Variants in TIAM1 observed in about 807,000 individuals in gnomAD.
The protein encoded by TIAM1 is TIAM Rac1 associated GEF 1.
Under a neutral mutation model 163.5 loss-of-function variants are expected in TIAM1, and 65 were observed. The observed-to-expected ratio is 0.40, with a 90% CI of 0.33 to 0.49. TIAM1 has a LOEUF of 0.49. Among genes scored for constraint, TIAM1 ranks in the 20% least tolerant of loss-of-function variants. The probability of loss-of-function intolerance (pLI) is 0.77; values close to 1 mark genes in which losing one functional copy is unlikely to be tolerated. For missense variants in TIAM1, 1,789 were observed against 2,044.7 expected, an observed-to-expected ratio of 0.87 and a Z score of 2.41; for synonymous variants, 833 against 810.1, an observed-to-expected ratio of 1.03 and a Z score of -0.48.
At chr21:31,182,848 A>G (rs1447928935) in intron 14 of TIAM1, among the ~76,000 whole-genome samples, 1 of 152,216 alleles carries the variant, frequency 6.6e-6, no homozygotes, top group African/African-American at 2.4e-5. Flanking sequence ...AGGTTACAAC[A>G]TGCCTAGCTG....
intron 1 of TIAM1, among the ~76,000 whole-genome samples, chr21:31,513,447 A>G (rs1404831198): frequency 1.3e-5 from 2 of 152,124 alleles, no homozygotes; most frequent in African/African-American, 2.4e-5. Flanking sequence ...TTGAGTTTCA[A>G]TGCTACCATG....
intron 1 of TIAM1, chr21:31,558,857 G>C (rs1020695334): frequency 1.6e-4 from 25 of 152,040 alleles, no homozygotes; most frequent in African/African-American, 6.0e-4. Context: ...GAGGCTCCGG[G>C]CATCCTCGCC....
At chr21:31,549,476 A>AG (rs1226528960) in intron 1 of TIAM1, among the ~76,000 whole-genome samples, 1 of 152,074 alleles carries the variant, frequency 6.6e-6, no homozygotes, top group Non-Finnish European at 1.5e-5. Flanking sequence ...TTATTAATAA[A>AG]AAAAAATTAA....
At chr21:31,201,674 AAT>A (rs1240697811) in intron 12 of TIAM1, among the ~76,000 whole-genome samples, 1 of 152,216 alleles carries the variant, frequency 6.6e-6, no homozygotes, top group Non-Finnish European at 1.5e-5. Context: ...CCAAAAAGAG[AAT>A]AATACTTGGG....
chr21:31,519,404 G>A (rs903792703), intron 1 of TIAM1, among the ~76,000 whole-genome samples: 5 of 150,302 alleles, frequency 3.3e-5, no homozygotes, highest in African/African-American at 1.2e-4. Flanking sequence ...AGCTACTCAG[G>A]AGGTTGAGGC....
intron 4 of TIAM1, among the ~76,000 whole-genome samples, chr21:31,258,364 C>T (rs975640192): frequency 6.6e-6 from 1 of 152,182 alleles, no homozygotes; most frequent in African/African-American, 2.4e-5. Flanking sequence ...AAGGTTTTGT[C>T]ATTTCTAAAC....
At chr21:31,411,471 C>CTT (rs11362012) in intron 2 of TIAM1, among the ~76,000 whole-genome samples, 2,630 of 102,646 alleles carry the variant, frequency 0.026, 71 homozygotes, top group African/African-American at 0.06. Context: ...TCCCAAGAAA[C>CTT]TTTTTTTTTT....
At chr21:31,464,559 C>A (rs1032923983) in intron 1 of TIAM1, among the ~76,000 whole-genome samples, 1 of 151,914 alleles carries the variant, frequency 6.6e-6, no homozygotes, top group Admixed American at 6.6e-5. Flanking sequence ...AATAAAAATA[C>A]AGGCCGGGTG....
intron 4 of TIAM1, among the ~76,000 whole-genome samples, chr21:31,264,848 G>A (rs745567008): frequency 3.9e-5 from 6 of 152,118 alleles, no homozygotes; most frequent in East Asian, 3.8e-4. Context: ...AGGCTGCTCC[G>A]CCATTCAAGG....
intron 8 of TIAM1, among the ~76,000 whole-genome samples, chr21:31,221,038 C>A (rs536131360): frequency 2.0e-4 from 31 of 152,198 alleles, no homozygotes; most frequent in Non-Finnish European, 3.1e-4. Flanking sequence ...CCTCCTCCCC[C>A]ACTAAAAAGA....
intron 2 of TIAM1, among the ~76,000 whole-genome samples, chr21:31,332,640 G>A (rs1360332265): frequency 6.6e-6 from 1 of 150,592 alleles, no homozygotes; most frequent in African/African-American, 2.4e-5. Context: ...AAACCACTGT[G>A]CCCTGAGCAG....
intron 1 of TIAM1, among the ~76,000 whole-genome samples, chr21:31,479,904 G>A (rs1234271151): frequency 1.3e-5 from 2 of 151,930 alleles, no homozygotes; most frequent in Non-Finnish European, 2.9e-5. Context: ...CTCCACCTGA[G>A]ATGCCCCTAC....
chr21:31,365,917 A>G (rs1602105370), intron 2 of TIAM1, among the ~76,000 whole-genome samples: 1 of 151,594 alleles, frequency 6.6e-6, no homozygotes, highest in South Asian at 2.1e-4. Context: ...CCTGGCCAAC[A>G]TGGTGAAACC....
intron 2 of TIAM1, among the ~76,000 whole-genome samples, chr21:31,444,985 C>T (rs1033688122): frequency 6.8e-6 from 1 of 147,186 alleles, no homozygotes; most frequent in Non-Finnish European, 1.5e-5. Flanking sequence ...GCAACAAGAG[C>T]GAAATTACAT....
intron 2 of TIAM1, among the ~76,000 whole-genome samples, chr21:31,290,517 C>T (rs988141874): frequency 1.3e-5 from 2 of 151,696 alleles, no homozygotes; most frequent in African/African-American, 2.4e-5. Flanking sequence ...AATGACGGCG[C>T]GTGCCTGTAA....
chr21:31,513,716 A>G (rs2047287747), intron 1 of TIAM1, among the ~76,000 whole-genome samples: 1 of 152,216 alleles, frequency 6.6e-6, no homozygotes, highest in African/African-American at 2.4e-5. Flanking sequence ...TTGTAAAAAT[A>G]AGGTTCTGGA....
chr21:31,542,080 C>A (rs1450281067), intron 1 of TIAM1, among the ~76,000 whole-genome samples: 1 of 152,174 alleles, frequency 6.6e-6, no homozygotes, highest in East Asian at 1.9e-4. Flanking sequence ...CACAGGCATT[C>A]AAGCCAGGCT....
chr21:31,356,525 T>G (rs143627551), intron 2 of TIAM1, among the ~76,000 whole-genome samples: 2,931 of 152,230 alleles, frequency 0.019, 31 homozygotes, highest in African/African-American at 0.033. Context: ...GATCATGAGA[T>G]CGGAGCCCCC....
chr21:31,154,193 A>C (rs942549860), intron 17 of TIAM1, 54 bp downstream of exon 17: 11 of 1,571,984 alleles, frequency 7.0e-6, no homozygotes, highest in Non-Finnish European at 9.5e-6. Context: ...AGACACACCA[A>C]CTTCACTCCT....
Sources: allele counts gnomAD v4.1 joint callset (sites outside exome capture counted in the v4.1 genomes callset), GRCh38; gene constraint gnomAD v4.1.1; transcripts MANE v1.5; gene names NCBI Gene and HGNC (gene_info 2026-07-23, HGNC 2026-07-21).